Variants in SUCLG2 observed in about 807,000 individuals in gnomAD.
SUCLG2 encodes the protein succinate-CoA ligase GDP-forming subunit beta.
In SUCLG2, 42 loss-of-function variants were observed where a neutral mutation model predicts 47.9. That is an observed-to-expected ratio of 0.88 (90% CI 0.69 to 1.14). The LOEUF (loss-of-function observed/expected upper bound fraction) is 1.14. SUCLG2 is among the 50% of genes most tolerant of loss of function. The pLI is 0.00. For synonymous variants in SUCLG2, 195 were observed against 197.3 expected, an observed-to-expected ratio of 0.99 and a Z score of 0.10; for missense variants, 571 against 525.9, an observed-to-expected ratio of 1.09 and a Z score of -0.84.
chr3:67,370,532 A>AT (rs1701938761), downstream of SUCLG2, among the ~76,000 whole-genome samples: 1 of 152,194 alleles, frequency 6.6e-6, no homozygotes, highest in Non-Finnish European at 1.5e-5. Flanking sequence ...ATATACAGGA[A>AT]TCCCCCCTTA....
intron 2 of SUCLG2, among the ~76,000 whole-genome samples, chr3:67,572,741 C>A (rs540480338): frequency 6.3e-4 from 96 of 152,130 alleles, no homozygotes; most frequent in African/African-American, 2.1e-3. Flanking sequence ...ATGCTACTCC[C>A]CTAAGATAGA....
chr3:67,496,557 T>C (rs1269932211), intron 8 of SUCLG2, among the ~76,000 whole-genome samples: 2 of 152,184 alleles, frequency 1.3e-5, no homozygotes, highest in African/African-American at 2.4e-5. Flanking sequence ...AACAAATGAC[T>C]GCACAAAAAC....
chr3:67,506,797 T>C (rs573566988), intron 7 of SUCLG2, among the ~76,000 whole-genome samples: 3 of 152,242 alleles, frequency 2.0e-5, no homozygotes, highest in Admixed American at 6.5e-5. Context: ...TTGGATTTAA[T>C]TGTCAACATG....
At chr3:67,603,754 T>C (rs1374559058) in intron 2 of SUCLG2, among the ~76,000 whole-genome samples, 2 of 152,208 alleles carry the variant, frequency 1.3e-5, no homozygotes, top group Non-Finnish European at 2.9e-5. Context: ...TTCATCTAAG[T>C]TTATATACAA....
At chr3:67,445,317 A>AC (rs1258289527) in intron 9 of SUCLG2, among the ~76,000 whole-genome samples, 3 of 8,968 alleles carry the variant, frequency 3.3e-4, no homozygotes, top group African/African-American at 1.2e-3. Flanking sequence ...CTGTGACCTT[A>AC]CCCCCAACCC....
chr3:67,626,771 G>A (rs1015139704), intron 1 of SUCLG2, among the ~76,000 whole-genome samples: 1 of 151,896 alleles, frequency 6.6e-6, no homozygotes, highest in Non-Finnish European at 1.5e-5. Context: ...AAAATTAGCT[G>A]GGCGTGGTGG....
At chr3:67,543,322 G>C (rs1443853719) in intron 2 of SUCLG2, among the ~76,000 whole-genome samples, 1 of 152,174 alleles carries the variant, frequency 6.6e-6, no homozygotes, top group East Asian at 1.9e-4. Context: ...AAATACACCT[G>C]TAAACAGTTA....
chr3:67,603,367 A>T (rs1708462029), intron 2 of SUCLG2, among the ~76,000 whole-genome samples: 1 of 152,262 alleles, frequency 6.6e-6, no homozygotes, highest in Non-Finnish European at 1.5e-5. Flanking sequence ...AATGCACAAC[A>T]GTTCTTTTTT....
chr3:67,572,931 A>G (rs1259443811), intron 2 of SUCLG2, among the ~76,000 whole-genome samples: 1 of 152,206 alleles, frequency 6.6e-6, no homozygotes, highest in Admixed American at 6.5e-5. Context: ...TAAGGAATCA[A>G]TTTTAAACAC....
intron 1 of SUCLG2, among the ~76,000 whole-genome samples, chr3:67,623,316 C>T (rs1054039432): frequency 3.9e-4 from 60 of 151,968 alleles, no homozygotes; most frequent in African/African-American, 1.4e-3. Flanking sequence ...CTGGCTAATA[C>T]AGTGAAACCC....
chr3:67,394,870 A>G (rs532871230), intron 10 of SUCLG2, among the ~76,000 whole-genome samples: 1 of 152,040 alleles, frequency 6.6e-6, no homozygotes, highest in South Asian at 2.1e-4. Context: ...CCAATATTCA[A>G]CATTCTTAAA....
chr3:67,541,006 T>A (rs760935355), intron 2 of SUCLG2, among the ~76,000 whole-genome samples: 1 of 152,152 alleles, frequency 6.6e-6, no homozygotes, highest in African/African-American at 2.4e-5. Flanking sequence ...AGGAATAGTA[T>A]AAACATCAAC....
At chr3:67,438,314 A>T (rs57376795) in intron 9 of SUCLG2, among the ~76,000 whole-genome samples, 4,387 of 152,254 alleles carry the variant, frequency 0.029, 212 homozygotes, top group African/African-American at 0.1. Context: ...CATCACAATT[A>T]AAAGAACTAG....
intron 2 of SUCLG2, among the ~76,000 whole-genome samples, chr3:67,545,598 C>A (rs1054744437): frequency 6.6e-6 from 1 of 152,152 alleles, no homozygotes; most frequent in African/African-American, 2.4e-5. Context: ...TATCAATGAA[C>A]TTGGAAGAGT....
intron 2 of SUCLG2, among the ~76,000 whole-genome samples, chr3:67,542,324 A>G (rs1018385615): frequency 2.0e-5 from 3 of 152,232 alleles, no homozygotes; most frequent in African/African-American, 7.2e-5. Context: ...AGAGCTCCTG[A>G]AGGAAGCACT....
chr3:67,362,882 C>T (rs1220369111), intron 10 of SUCLG2, among the ~76,000 whole-genome samples: 7 of 152,134 alleles, frequency 4.6e-5, no homozygotes, highest in African/African-American at 1.7e-4. Context: ...AGTAGTCCAG[C>T]CTGCTTGCCT....
At chr3:67,400,207 T>A (rs534623611) in intron 10 of SUCLG2, among the ~76,000 whole-genome samples, 400 of 151,950 alleles carry the variant, frequency 2.6e-3, no homozygotes, top group African/African-American at 9.0e-3. Flanking sequence ...TTACTAAAAA[T>A]TTTTTAAAAT....
intron 9 of SUCLG2, among the ~76,000 whole-genome samples, chr3:67,462,399 G>C (rs1175156685): frequency 6.6e-6 from 1 of 152,134 alleles, no homozygotes; most frequent in African/African-American, 2.4e-5. Flanking sequence ...TTCCCACTCA[G>C]TCTACTAGCA....
chr3:67,430,478 A>G (rs1007754023), intron 9 of SUCLG2, among the ~76,000 whole-genome samples: 2 of 152,206 alleles, frequency 1.3e-5, no homozygotes, highest in East Asian at 3.8e-4. Flanking sequence ...TATAGCACTA[A>G]ATGCCCACAA....
Sources: gnomAD v4.1 joint callset for allele counts (sites outside exome capture counted in the v4.1 genomes callset) on GRCh38, gnomAD v4.1.1 for gene constraint, MANE v1.5 for transcripts, NCBI Gene and HGNC (gene_info 2026-07-23, HGNC 2026-07-21) for gene names.